WDR70: variants seen among roughly 807,000 people sequenced by gnomAD.
The protein encoded by WDR70 is WD repeat domain 70.
A neutral mutation model predicts 88.6 loss-of-function variants in WDR70; 53 were observed. The ratio of observed to expected loss-of-function variants is 0.60; its 90% CI spans 0.48 to 0.75. WDR70 has a LOEUF of 0.75. Among genes scored for constraint, WDR70 ranks in the 30% least tolerant of loss-of-function variants. The pLI is 0.00. For missense variants in WDR70, 610 were observed against 823.2 expected (o/e 0.74, Z 3.17); for synonymous variants, 280 against 270.0 (o/e 1.04, Z -0.36).
intron 10 of WDR70, among the ~76,000 whole-genome samples, chr5:37,656,791 C>T (rs923211157): frequency 6.6e-6 from 1 of 152,184 alleles, no homozygotes; most frequent in Non-Finnish European, 1.5e-5. Flanking sequence ...GAGGATGCCT[C>T]TCCCGCAACA....
chr5:37,451,331 A>G (rs1187692405), intron 7 of WDR70, among the ~76,000 whole-genome samples: 1 of 152,170 alleles, frequency 6.6e-6, no homozygotes, highest in Admixed American at 6.5e-5. Flanking sequence ...TGATGATTCC[A>G]GTAGTTTAAG....
intron 5 of WDR70, among the ~76,000 whole-genome samples, chr5:37,421,897 C>T (rs1749957352): frequency 6.6e-6 from 1 of 151,452 alleles, no homozygotes; most frequent in Non-Finnish European, 1.5e-5. Context: ...AATTCTCCCT[C>T]TCTCTTGGTG....
At chr5:37,742,094 G>C (rs1748498778) in intron 17 of WDR70, among the ~76,000 whole-genome samples, 1 of 152,132 alleles carries the variant, frequency 6.6e-6, no homozygotes, top group Non-Finnish European at 1.5e-5. Context: ...GTTTTGGAGG[G>C]TATATACCCA....
intron 9 of WDR70, among the ~76,000 whole-genome samples, chr5:37,578,850 T>C (rs1219209005): frequency 1.3e-5 from 2 of 152,236 alleles, no homozygotes; most frequent in South Asian, 2.1e-4. Context: ...TTAGCCTAGA[T>C]ACATTTCCAC....
At chr5:37,541,123 T>C (rs1375576810) in intron 9 of WDR70, among the ~76,000 whole-genome samples, 1 of 152,236 alleles carries the variant, frequency 6.6e-6, no homozygotes, top group African/African-American at 2.4e-5. Context: ...AAAGGGAAAC[T>C]GAAGTGCTTG....
chr5:37,396,892 C>T (rs936164447), intron 5 of WDR70, among the ~76,000 whole-genome samples: 2 of 152,178 alleles, frequency 1.3e-5, no homozygotes, highest in African/African-American at 4.8e-5. Flanking sequence ...CCCGTAATCC[C>T]GGCACTTTGG....
In WDR70 at chr5:37,592,854, C is replaced by T. The variant is rs1022534650; in HGVS notation, c.918-12210C>T. On this transcript the variant is annotated intron_variant, in intron 9 of 17. Coordinates refer to ENST00000265107, the MANE Select transcript of WDR70 (RefSeq NM_018034.4). ...GTGTCTATTAAAGAGACCACATAAT[C>T]GTCTATATAGAAAATTTCTGCCAGT... Among the ~76,000 whole-genome samples, 8 of 152,174 alleles carry T rather than the reference C, an allele frequency of 5.3e-5. No individual in the cohort carries two copies. The South Asian group carries it at 6.2e-4, about 12-fold the overall frequency.
chr5:37,597,977 A>T (rs1263484393), intron 9 of WDR70, among the ~76,000 whole-genome samples: 4 of 152,176 alleles, frequency 2.6e-5, no homozygotes, highest in Non-Finnish European at 5.9e-5. Context: ...AACTATTTAA[A>T]TTAGCTTTTA....
At chr5:37,587,378 CCCT>C (rs1193527207) in intron 9 of WDR70, among the ~76,000 whole-genome samples, 9 of 151,834 alleles carry the variant, frequency 5.9e-5, no homozygotes, top group Non-Finnish European at 1.5e-5. Context: ...ATTTTAAGCC[CCCT>C]CCTCTTTGCG....
chr5:37,612,043 C>T (rs1744206716), intron 10 of WDR70, among the ~76,000 whole-genome samples: 1 of 152,112 alleles, frequency 6.6e-6, no homozygotes, highest in Non-Finnish European at 1.5e-5. Flanking sequence ...CAATAATTCA[C>T]AACTTTTACC....
At chr5:37,512,167 C>G (rs1740740177) in intron 8 of WDR70, among the ~76,000 whole-genome samples, 1 of 152,174 alleles carries the variant, frequency 6.6e-6, no homozygotes, top group Non-Finnish European at 1.5e-5. Context: ...TTCTCTGCCT[C>G]TGTCTTTACA....
rs918539578 is a variant in WDR70, at chr5:37,634,074, C to T, written c.1092+28836C>T. Among the ~76,000 whole-genome samples, 11 of 151,850 alleles carry T rather than the reference C, an allele frequency of 7.2e-5. No homozygotes were observed. The South Asian group carries it at 8.4e-4, about 12-fold the overall frequency. On this transcript the variant is annotated intron_variant, in intron 10 of 17. Transcript: ENST00000265107. ...CAGCACTTTGGGAGGTCTTGGTGAG[C>T]GCATCACGAGGTCAGGAGATGGAGA...
At chr5:37,634,375 T>C (rs1009252280) in intron 10 of WDR70, among the ~76,000 whole-genome samples, 24 of 152,144 alleles carry the variant, frequency 1.6e-4, no homozygotes, top group African/African-American at 2.4e-5. Context: ...AAGAAGACTT[T>C]ATTAAGCTTT....
At chr5:37,622,022 A>G (rs972183765) in intron 10 of WDR70, among the ~76,000 whole-genome samples, 8 of 152,160 alleles carry the variant, frequency 5.3e-5, no homozygotes, top group African/African-American at 1.9e-4. Context: ...CAGGTTTGTC[A>G]AAGATCAGAT....
At chr5:37,490,026 C>T (rs1013808886) in intron 8 of WDR70, among the ~76,000 whole-genome samples, 1 of 151,936 alleles carries the variant, frequency 6.6e-6, no homozygotes, top group Non-Finnish European at 1.5e-5. Flanking sequence ...GTAGGTGGGA[C>T]GGGGGCAATT....
intron 7 of WDR70, among the ~76,000 whole-genome samples, chr5:37,465,990 G>T (rs1450534309): frequency 6.6e-6 from 1 of 151,768 alleles, no homozygotes; most frequent in East Asian, 1.9e-4. Context: ...TTTTTTAAGA[G>T]AATGGCACCT....
At chr5:37,675,099 A>C (rs1746160312) in intron 10 of WDR70, among the ~76,000 whole-genome samples, 1 of 151,948 alleles carries the variant, frequency 6.6e-6, no homozygotes, top group Admixed American at 6.5e-5. Context: ...CTTCTTGTAA[A>C]TTTGTTTGAG....
intron 8 of WDR70, among the ~76,000 whole-genome samples, chr5:37,499,298 G>A (rs533960431): frequency 2.6e-5 from 4 of 151,876 alleles, no homozygotes; most frequent in Non-Finnish European, 5.9e-5. Context: ...ATTTTTAGTA[G>A]AGATGGGGTT....
chr5:37,587,615 A>G (rs953293576), intron 9 of WDR70, among the ~76,000 whole-genome samples: 3 of 151,972 alleles, frequency 2.0e-5, no homozygotes, highest in African/African-American at 7.3e-5. Context: ...TAGGTTATGC[A>G]TTTTTGGAGA....
Sources: gnomAD v4.1 joint callset for allele counts (sites outside exome capture counted in the v4.1 genomes callset) on GRCh38, gnomAD v4.1.1 for gene constraint, MANE v1.5 for transcripts, NCBI Gene and HGNC (gene_info 2026-07-23, HGNC 2026-07-21) for gene names.